Variants in UBE2E2 observed in about 807,000 individuals in gnomAD.
The protein encoded by UBE2E2 is ubiquitin-conjugating enzyme E2 E2.
A neutral mutation model predicts 24.7 loss-of-function variants in UBE2E2; 6 were observed. The ratio of observed to expected loss-of-function variants is 0.24; its 90% CI spans 0.13 to 0.48. UBE2E2 has a LOEUF of 0.48. UBE2E2 is among the 20% of genes least tolerant of loss of function. The pLI is 0.99. For missense variants in UBE2E2, 169 were observed against 245.0 expected, an observed-to-expected ratio of 0.69 and a Z score of 2.07; for synonymous variants, 104 against 83.6, an observed-to-expected ratio of 1.24 and a Z score of -1.33.
intron 3 of UBE2E2, among the ~76,000 whole-genome samples, chr3:23,277,900 A>G (rs185726553): frequency 6.6e-6 from 1 of 152,262 alleles, no homozygotes; most frequent in East Asian, 1.9e-4. Flanking sequence ...AGAAATAGCC[A>G]TGACAAAAAC....
chr3:23,300,110 T>C (rs553721260), intron 3 of UBE2E2, among the ~76,000 whole-genome samples: 1 of 152,342 alleles, frequency 6.6e-6, no homozygotes, highest in Non-Finnish European at 1.5e-5. Flanking sequence ...TTGCAACCCC[T>C]GCCTTTTTTG....
chr3:23,208,110 A>AT (rs1394133151), intron 1 of UBE2E2, among the ~76,000 whole-genome samples: 7 of 151,376 alleles, frequency 4.6e-5, no homozygotes, highest in Admixed American at 4.0e-4. Context: ...TCATATTTTT[A>AT]TTTTTTGTAG....
intron 4 of UBE2E2, among the ~76,000 whole-genome samples, chr3:23,508,549 T>C (rs1289256115): frequency 6.6e-6 from 1 of 152,194 alleles, no homozygotes; most frequent in Non-Finnish European, 1.5e-5. Flanking sequence ...AGCTTAATTT[T>C]TCAGGTTGGA....
intron 5 of UBE2E2, among the ~76,000 whole-genome samples, chr3:23,549,242 G>A (rs1377326701): frequency 6.6e-6 from 1 of 152,228 alleles, no homozygotes; most frequent in Non-Finnish European, 1.5e-5. Context: ...CACTGGAGTT[G>A]CTCCATAGCA....
Position 23,350,207 on chromosome 3 carries a change from A to T in UBE2E2, c.227+132895A>T, listed in dbSNP as rs368589100. ...GTTAGAAGGAAAACTAACAAACAGA[A>T]GGGACATCCACACCAAAAACCCATC... On this transcript the variant is annotated intron_variant, in intron 3 of 5. Transcript: ENST00000396703. Among the ~76,000 whole-genome samples the T allele has an allele frequency of 2.3e-3, 355 of 152,362 alleles. 1 individual carries two copies. Among genetic ancestry groups the T allele is most frequent in the African/African-American group, 7.5e-3 (313 of 41,586 alleles).
chr3:23,510,668 A>G (rs922886022), intron 4 of UBE2E2, among the ~76,000 whole-genome samples: 3 of 152,198 alleles, frequency 2.0e-5, no homozygotes, highest in Non-Finnish European at 2.9e-5. Flanking sequence ...ATACTGATTC[A>G]TATAAGCATA....
intron 3 of UBE2E2, among the ~76,000 whole-genome samples, chr3:23,346,578 C>T (rs931263273): frequency 6.6e-6 from 1 of 152,178 alleles, no homozygotes; most frequent in African/African-American, 2.4e-5. Flanking sequence ...TCACTAAAGA[C>T]TGTGTAATGC....
At chr3:23,294,805 T>G (rs952936273) in intron 3 of UBE2E2, among the ~76,000 whole-genome samples, 1 of 150,434 alleles carries the variant, frequency 6.6e-6, no homozygotes, top group African/African-American at 2.4e-5. Context: ...ATTATTTGTA[T>G]CTTTTTATTT....
chr3:23,294,249 G>A (rs1575538673), intron 3 of UBE2E2, among the ~76,000 whole-genome samples: 1 of 152,212 alleles, frequency 6.6e-6, no homozygotes, highest in East Asian at 1.9e-4. Flanking sequence ...TAGATAAAAA[G>A]CAATTCTCAC....
intron 3 of UBE2E2, among the ~76,000 whole-genome samples, chr3:23,234,251 A>C (rs1697042514): frequency 6.7e-6 from 1 of 150,152 alleles, no homozygotes; most frequent in Admixed American, 6.6e-5. Flanking sequence ...TCATTTTGAG[A>C]AGTGAGGTGT....
At chr3:23,350,482 C>A (rs1294844040) in intron 3 of UBE2E2, among the ~76,000 whole-genome samples, 6 of 152,098 alleles carry the variant, frequency 3.9e-5, no homozygotes, top group African/African-American at 1.4e-4. Flanking sequence ...AAGTAAAAAA[C>A]TTTGAAAAAA....
intron 3 of UBE2E2, among the ~76,000 whole-genome samples, chr3:23,335,036 C>T (rs1207344079): frequency 1.3e-5 from 2 of 152,164 alleles, no homozygotes; most frequent in African/African-American, 4.8e-5. Context: ...TAAATATGCA[C>T]ATAAATGAGT....
chr3:23,267,586 C>T (rs1324732147), intron 3 of UBE2E2, among the ~76,000 whole-genome samples: 1 of 151,822 alleles, frequency 6.6e-6, no homozygotes, highest in African/African-American at 2.4e-5. Flanking sequence ...CAAAAAGAGT[C>T]CAGGACCAGA....
At chr3:23,292,048 C>T (rs950267499) in intron 3 of UBE2E2, among the ~76,000 whole-genome samples, 5 of 151,922 alleles carry the variant, frequency 3.3e-5, no homozygotes, top group African/African-American at 7.2e-5. Flanking sequence ...TTAGTAGAGA[C>T]GGGGTTTCAC....
At chr3:23,380,641 A>G (rs1219839521) in intron 3 of UBE2E2, among the ~76,000 whole-genome samples, 4 of 152,072 alleles carry the variant, frequency 2.6e-5, no homozygotes, top group African/African-American at 4.8e-5. Context: ...TTAATTTTCT[A>G]TAGTCCTGTT....
chr3:23,449,865 A>C lies in UBE2E2; in HGVS notation c.228-49743A>C. 4.1e-6 allele frequency: 4 copies of C among 985,480 alleles called. No individual in the cohort carries two copies. The South Asian group carries it at 1.9e-4, about 46-fold the overall frequency. The allele number at this position is 985,480 out of a possible 1,614,324, so 61.0% of individuals were successfully genotyped here. ...CCCATTTTTCACTGGCAGAAACCCC[A>C]GCCCTATAATGGGGAAGGTCCCACC... is the stretch of plus-strand genomic sequence containing the variant. On this transcript the variant is annotated intron_variant, in intron 3 of 5. Transcript: ENST00000396703.
intron 4 of UBE2E2, among the ~76,000 whole-genome samples, chr3:23,527,803 ACT>A (rs1317361829): frequency 6.6e-6 from 1 of 150,834 alleles, no homozygotes; most frequent in Non-Finnish European, 1.5e-5. Context: ...GGGCATGGCA[ACT>A]CTATACCACC....
intron 3 of UBE2E2, among the ~76,000 whole-genome samples, chr3:23,296,920 C>A (rs1282520918): frequency 6.6e-6 from 1 of 152,218 alleles, no homozygotes. Flanking sequence ...TTTACAGTCC[C>A]ACCAACAGTG....
At chr3:23,281,617 G>A (rs986814902) in intron 3 of UBE2E2, among the ~76,000 whole-genome samples, 4 of 152,168 alleles carry the variant, frequency 2.6e-5, no homozygotes, top group African/African-American at 9.7e-5. Context: ...CAGCCTGGGT[G>A]ACATAGCAAG....
Sources: gnomAD v4.1 joint callset for allele counts (sites outside exome capture counted in the v4.1 genomes callset) on GRCh38, gnomAD v4.1.1 for gene constraint, MANE v1.5 for transcripts, NCBI Gene and HGNC (gene_info 2026-07-23, HGNC 2026-07-21) for gene names.